The following PRAP1 variants were observed in gnomAD, a reference collection of about 807,000 sequenced individuals.
The protein encoded by PRAP1 is proline-rich acidic protein 1.
In PRAP1, 12 loss-of-function variants were observed where a neutral mutation model predicts 14.6. That is an observed-to-expected ratio of 0.82 (90% CI 0.53 to 1.33). The LOEUF (loss-of-function observed/expected upper bound fraction) is 1.33, where lower values mean the gene tolerates loss of function less well. Among genes scored for constraint, PRAP1 ranks in the 40% most tolerant of loss-of-function variants. The probability of loss-of-function intolerance (pLI) is 0.00; values close to 1 mark genes in which losing one functional copy is unlikely to be tolerated. For missense variants in PRAP1, 160 were observed against 193.7 expected (o/e 0.83, Z 1.03); for synonymous variants, 81 against 80.3 (o/e 1.01, Z -0.04).
intron 2 of PRAP1, 124 bp downstream of exon 2, chr10:133,350,285 G>C: frequency 1.2e-6 from 1 of 805,016 alleles, no homozygotes; most frequent in Non-Finnish European, 2.0e-6. Flanking sequence ...AGGGGAGAGA[G>C]GCATGGGTAC....
Position 133,352,059 on chromosome 10 carries a change from G to A in PRAP1, c.181G>A (p.Val61Met). 6.2e-7 allele frequency: 1 copy of A among 1,613,026 alleles called. No homozygotes were observed. ...EPPEKDDQLV[V>M]LFPVQKPKLL... ...TCCGGAGAAGGACGACCAGCTGGTG[G>A]TGCTGTTCCCTGTCCAGAAGCCGAA... Residue 61 changes from valine (V) to methionine (M), a missense_variant, in exon 4 of 5, where the codon GTG (valine) becomes ATG (methionine). Val to Met is a conservative substitution (Grantham distance 21). Coordinates refer to ENST00000433452, the MANE Select transcript of PRAP1 (RefSeq NM_145202.5).
chr10:133,351,049 C>CAGTG lies in PRAP1; in HGVS notation c.76-331_76-328dup, dbSNP rs1258684023. On this transcript the variant is annotated intron_variant, in intron 2 of 4. Transcript: ENST00000433452. This position sits in a 1 kb window ranked among gnomAD's most constrained non-coding sequence, Gnocchi z 4.3. ...CCAACCAGTCACTGCAGAAAACAGCCAGTGCATTGACGGCCAGGGTTGGGA... is the reference window on the plus strand; with the variant it reads ...CCAACCAGTCACTGCAGAAAACAGCCAGTGAGTGCATTGACGGCCAGGGTTGGGA... 1.3e-5 allele frequency among the ~76,000 whole-genome samples: 2 copies of CAGTG among 152,328 alleles called. No individual in the cohort carries two copies. Among genetic ancestry groups the CAGTG allele is most frequent in the African/African-American group, 2.4e-5 (1 of 41,556 alleles).
chr10:133,349,634 C>T (rs1431219184), intron 1 of PRAP1, among the ~76,000 whole-genome samples: 2 of 152,282 alleles, frequency 1.3e-5, no homozygotes, highest in African/African-American at 4.8e-5. Flanking sequence ...CTCTGGGACA[C>T]AGCAGGTGCC....
At chr10:133,350,596 G>A in intron 2 of PRAP1, 1 of 172,766 alleles carries the variant, frequency 5.8e-6, no homozygotes, top group Non-Finnish European at 1.2e-5. Context: ...CCTGGGCCTT[G>A]AAGGCCAGAG....
chr10:133,351,213 T>A lies in PRAP1; in HGVS notation c.76-168T>A, dbSNP rs977470102. ...GGCTTGCAATCCCAACACCCGAGAG[T>A]GGCTTGCCCACTAGAGACGCTCGAG... On this transcript the variant is annotated intron_variant, in intron 2 of 4. Coordinates refer to ENST00000433452, the MANE Select transcript of PRAP1 (RefSeq NM_145202.5). The surrounding 1 kb of genome is among the most constrained non-coding windows in gnomAD (Gnocchi z 4.3). Among the ~76,000 whole-genome samples, 1 of 151,710 alleles carries A rather than the reference T, an allele frequency of 6.6e-6. No individual in the cohort carries two copies. The highest frequency in any genetic ancestry group is 1.5e-5 in the Non-Finnish European group (1 of 67,898).
rs1848679218 is a variant in PRAP1, at chr10:133,351,564, G to A, written c.128+131G>A. On this transcript the variant is annotated intron_variant, in intron 3 of 4. Transcript: ENST00000433452. This position sits in a 1 kb window ranked among gnomAD's most constrained non-coding sequence, Gnocchi z 4.3. Reference sequence around the variant, plus strand: ...AGCCCTGTCCAGCAGCTTTTGGAAGGAGGGGGCACTCCAGCCTCATGGGCA... The same window carrying A: ...AGCCCTGTCCAGCAGCTTTTGGAAGAAGGGGGCACTCCAGCCTCATGGGCA... 2.8e-6 allele frequency: 2 copies of A among 714,420 alleles called. No homozygotes were observed. 44.3% of individuals were successfully genotyped at this position (714,420 alleles called of 1,614,324 possible). A position where few individuals can be genotyped will look rare whatever the true frequency, so the allele number is the denominator to read the frequency against.
chr10:133,349,652 C>A (rs1010709389), intron 1 of PRAP1, among the ~76,000 whole-genome samples: 1 of 152,270 alleles, frequency 6.6e-6, no homozygotes. Flanking sequence ...GCCCTGCCTG[C>A]AGCAGCGTGC....
intron 1 of PRAP1, among the ~76,000 whole-genome samples, chr10:133,348,453 CTG>C (rs1848619592): frequency 6.6e-6 from 1 of 152,136 alleles, no homozygotes; most frequent in African/African-American, 2.4e-5. Flanking sequence ...ACTGATTCTT[CTG>C]CCTCAGCAGG....
rs1848678846 is a variant in PRAP1, at chr10:133,351,525, C to A, written c.128+92C>A. 1 of 1,027,752 alleles carries A rather than the reference C, an allele frequency of 9.7e-7. No homozygotes were observed. The highest frequency in any genetic ancestry group is 1.5e-6 in the Non-Finnish European group (1 of 685,142). 63.7% of individuals were successfully genotyped at this position (1,027,752 alleles called of 1,614,324 possible). On this transcript the variant is annotated intron_variant, in intron 3 of 4. Coordinates refer to ENST00000433452, the MANE Select transcript of PRAP1 (RefSeq NM_145202.5). This position sits in a 1 kb window ranked among gnomAD's most constrained non-coding sequence, Gnocchi z 4.3. The stretch of plus-strand genomic sequence containing the variant: ...CTTCCTGAACCTGGAGAGCACGGGG[C>A]AGATGCAGAGAGGAGCCCTGTCCAG...
rs375462031 is a variant in PRAP1 at position 133,352,408 on chromosome 10, G to C, written c.424G>C (p.Glu142Gln). The C allele has an allele frequency of 1.6e-5, 26 of 1,612,838 alleles. No individual in the cohort carries two copies. In the African/African-American group the frequency reaches 3.3e-4, roughly 21 times the overall value. Residue 142 changes from glutamate (E) to glutamine (Q), a missense_variant, in exon 5 of 5, where the codon GAA (glutamate) becomes CAA (glutamine). Transcript: ENST00000433452. ...TCACCAGGTGCTCCTGGGACCGGAG[G>C]AAGACCAAGACCACATCTACCACCC... Reference protein sequence around the residue: ...PNHQVLLGPEEDQDHIYHPQ With the variant: ...PNHQVLLGPEQDQDHIYHPQ
chr10:133,351,541 C>G lies in PRAP1; in HGVS notation c.128+108C>G. On this transcript the variant is annotated intron_variant, in intron 3 of 4. Transcript: ENST00000433452. The surrounding 1 kb of genome is among the most constrained non-coding windows in gnomAD (Gnocchi z 4.3). Reference sequence around the variant, plus strand: ...AGCACGGGGCAGATGCAGAGAGGAGCCCTGTCCAGCAGCTTTTGGAAGGAG... The same window carrying G: ...AGCACGGGGCAGATGCAGAGAGGAGGCCTGTCCAGCAGCTTTTGGAAGGAG... 1.2e-6 allele frequency: 1 copy of G among 857,002 alleles called. No homozygotes were observed. 53.1% of individuals were successfully genotyped at this position (857,002 alleles called of 1,614,324 possible).
At position 133,347,403 on chromosome 10, in the gene PRAP1, A is replaced by T; in HGVS notation, c.-15A>T. On this transcript the variant is annotated 5_prime_UTR_variant, in exon 1 of 5. Transcript: ENST00000433452. This position sits in a 1 kb window ranked among gnomAD's most constrained non-coding sequence, Gnocchi z 5.0. ...AGCTCCCTGAGCACTCTCTACAGAGACGCGGACCCCAGACATGAGGAGGTA... is the reference window on the plus strand; with the variant it reads ...AGCTCCCTGAGCACTCTCTACAGAGTCGCGGACCCCAGACATGAGGAGGTA... 6.2e-7 allele frequency: 1 copy of T among 1,613,260 alleles called. No individual in the cohort carries two copies.
intron 1 of PRAP1, among the ~76,000 whole-genome samples, chr10:133,349,749 G>A (rs891034878): frequency 6.6e-6 from 1 of 152,232 alleles, no homozygotes; most frequent in Non-Finnish European, 1.5e-5. Context: ...GTGTGTTCAT[G>A]TGTGTCCCCA....
At position 133,351,471 on chromosome 10, in the gene PRAP1, C is replaced by T; in HGVS notation, c.128+38C>T. On this transcript the variant is annotated intron_variant, in intron 3 of 4. Transcript: ENST00000433452. This position sits in a 1 kb window ranked among gnomAD's most constrained non-coding sequence, Gnocchi z 4.3. ...AACCCCACCTCCCCACCACCCATTC[C>T]CTGAAGCTACAGCCCGTTCTGCTGG... The T allele has an allele frequency of 6.7e-7, 1 of 1,488,470 alleles. No homozygotes were observed. The highest frequency in any genetic ancestry group is 9.3e-7 in the Non-Finnish European group (1 of 1,080,690). The allele number at this position is 1,488,470 out of a possible 1,614,324, so 92.2% of individuals were successfully genotyped here.
chr10:133,352,564 C>A lies in PRAP1; in HGVS notation c.*124C>A. The A allele has an allele frequency of 1.3e-6, 1 of 790,118 alleles. No individual in the cohort carries two copies. Among genetic ancestry groups the A allele is most frequent in the Non-Finnish European group, 2.0e-6 (1 of 492,568 alleles). 48.9% of individuals were successfully genotyped at this position (790,118 alleles called of 1,614,324 possible). ...GCAGGCCGGGCGCGGTGGCTCACCT[C>A]TGTAATCCCAGCACTTTTAGAGGCC... is the stretch of plus-strand genomic sequence containing the variant. On this transcript the variant is annotated 3_prime_UTR_variant, in exon 5 of 5. Transcript: ENST00000433452.
Position 133,351,044 on chromosome 10 carries a change from A to T in PRAP1, c.76-337A>T, listed in dbSNP as rs925906352. ...CAGACCCAACCAGTCACTGCAGAAA[A>T]CAGCCAGTGCATTGACGGCCAGGGT... On this transcript the variant is annotated intron_variant, in intron 2 of 4. Transcript: ENST00000433452. This position sits in a 1 kb window ranked among gnomAD's most constrained non-coding sequence, Gnocchi z 4.3. Among the ~76,000 whole-genome samples, 1 of 152,166 alleles carries T rather than the reference A, an allele frequency of 6.6e-6. No homozygotes were observed. Among genetic ancestry groups the T allele is most frequent in the Non-Finnish European group, 1.5e-5 (1 of 68,028 alleles).
intron 1 of PRAP1, among the ~76,000 whole-genome samples, chr10:133,348,409 G>A (rs546532023): frequency 1.3e-5 from 2 of 152,312 alleles, no homozygotes; most frequent in Admixed American, 6.5e-5. Context: ...GGTCCCTGTG[G>A]AGCTGCAATC....
At position 133,351,630 on chromosome 10, in the gene PRAP1, C is replaced by T. The variant is rs374665757; in HGVS notation, c.128+197C>T. 3.4e-4 allele frequency among the ~76,000 whole-genome samples: 52 copies of T among 152,306 alleles called. No individual in the cohort carries two copies. Among genetic ancestry groups the T allele is most frequent in the East Asian group, 1.7e-3 (9 of 5,186 alleles). On this transcript the variant is annotated intron_variant, in intron 3 of 4. Coordinates refer to ENST00000433452, the MANE Select transcript of PRAP1 (RefSeq NM_145202.5). This position sits in a 1 kb window ranked among gnomAD's most constrained non-coding sequence, Gnocchi z 4.3. ...CCATGCAGGGAGAAGAGAGCACAGCCGGAGGGCTTGGGGCTCCACGGTGTC... is the reference window on the plus strand; with the variant it reads ...CCATGCAGGGAGAAGAGAGCACAGCTGGAGGGCTTGGGGCTCCACGGTGTC...
chr10:133,352,204 C>G, intron 4 of PRAP1, 43 bp from the exon 5 acceptor site: 2 of 1,610,438 alleles, frequency 1.2e-6, no homozygotes, highest in Non-Finnish European at 1.7e-6. Context: ...CCAAGGGTCT[C>G]GGGAAAGAAA....
Sources: allele counts gnomAD v4.1 joint callset (sites outside exome capture counted in the v4.1 genomes callset), GRCh38; gene constraint gnomAD v4.1.1; non-coding constraint Gnocchi (gnomAD v3.1); transcripts MANE v1.5; gene names NCBI Gene and HGNC (gene_info 2026-07-23, HGNC 2026-07-21).